DNAH11: variants seen among roughly 807,000 people sequenced by gnomAD.
The protein encoded by DNAH11 is axonemal beta dynein heavy chain 11.
A neutral mutation model predicts 526.0 loss-of-function variants in DNAH11; 442 were observed. The ratio of observed to expected loss-of-function variants is 0.84; its 90% CI spans 0.78 to 0.91. The LOEUF is 0.91. Among genes scored for constraint, DNAH11 ranks in the 40% least tolerant of loss-of-function variants. The probability of loss-of-function intolerance (pLI) is 0.00; values close to 1 mark genes in which losing one functional copy is unlikely to be tolerated. For missense variants in DNAH11, 6,989 were observed against 5,448.7 expected (o/e 1.28, Z -8.90); for synonymous variants, 2,461 against 1,935.9 (o/e 1.27, Z -7.12).
chr7:21,746,197 G>T (rs1456490251), intron 51 of DNAH11, among the ~76,000 whole-genome samples: 1 of 152,152 alleles, frequency 6.6e-6, no homozygotes, highest in African/African-American at 2.4e-5. Flanking sequence ...GTTTACATCC[G>T]ATACTGCTCT....
At chr7:21,800,013 C>T (rs878858959) in intron 61 of DNAH11, among the ~76,000 whole-genome samples, 1 of 152,108 alleles carries the variant, frequency 6.6e-6, no homozygotes, top group Non-Finnish European at 1.5e-5. Context: ...GTTATATGAG[C>T]TCATTCAAAA....
At chr7:21,548,205 C>T (rs35294143) in intron 2 of DNAH11, among the ~76,000 whole-genome samples, 25,859 of 133,038 alleles carry the variant, frequency 0.19, 2,623 homozygotes, top group African/African-American at 0.33. Flanking sequence ...GGAATGACAA[C>T]ACTTCCCACC....
chr7:21,617,806 C>G lies in DNAH11; in HGVS notation c.4254+29C>G, dbSNP rs775269755. Reference sequence around the variant, plus strand: ...AGTATCCTTGGTCTCACTAATGAACCTTTTTATGACTGTGAAGTGTTACTT... The same window carrying G: ...AGTATCCTTGGTCTCACTAATGAACGTTTTTATGACTGTGAAGTGTTACTT... On this transcript the variant is annotated intron_variant, in intron 23 of 81. Transcript: ENST00000409508. The G allele has an allele frequency of 2.0e-6, 3 of 1,534,950 alleles. No homozygotes were observed. In the South Asian group the frequency reaches 3.9e-5, roughly 20 times the overall value.
At chr7:21,862,102 C>A in intron 69 of DNAH11, 79 bp downstream of exon 69, 1 of 1,324,510 alleles carries the variant, frequency 7.5e-7, no homozygotes, top group Non-Finnish European at 1.0e-6. Context: ...TTTATTTCTG[C>A]TGAAGCAAAA....
intron 49 of DNAH11, among the ~76,000 whole-genome samples, chr7:21,742,626 G>A (rs1785957726): frequency 6.6e-6 from 1 of 152,110 alleles, no homozygotes; most frequent in South Asian, 2.1e-4. Context: ...TTTGGAGGGG[G>A]CACACATCCA....
chr7:21,899,025 C>A (rs903257631), intron 79 of DNAH11, among the ~76,000 whole-genome samples: 1 of 152,166 alleles, frequency 6.6e-6, no homozygotes, highest in Non-Finnish European at 1.5e-5. Flanking sequence ...AGGGTGATGA[C>A]CTTTGTATAG....
intron 28 of DNAH11, 40 bp from the exon 29 acceptor site, chr7:21,655,792 G>T: frequency 6.4e-7 from 1 of 1,574,706 alleles, no homozygotes. Flanking sequence ...TATACCTACA[G>T]TAAGAAATGT....
intron 25 of DNAH11, among the ~76,000 whole-genome samples, chr7:21,633,413 T>C (rs1445247379): frequency 6.6e-6 from 1 of 152,232 alleles, no homozygotes; most frequent in East Asian, 1.9e-4. Flanking sequence ...AATATTGTTA[T>C]CCCCTTCTAT....
chr7:21,837,865 A>T (rs536722054), intron 65 of DNAH11, among the ~76,000 whole-genome samples: 1 of 152,314 alleles, frequency 6.6e-6, no homozygotes, highest in Admixed American at 6.5e-5. Flanking sequence ...GAAATGATCA[A>T]TGAGATGATG....
chr7:21,866,741 G>T (rs1450415625), intron 71 of DNAH11, 78 bp downstream of exon 71: 7 of 1,423,366 alleles, frequency 4.9e-6, no homozygotes, highest in African/African-American at 1.4e-5. Flanking sequence ...GGAGGATCTG[G>T]TGGAAGTGTT....
At chr7:21,600,287 G>A (rs963208689) in intron 15 of DNAH11, among the ~76,000 whole-genome samples, 168 bp downstream of exon 15, 3 of 151,860 alleles carry the variant, frequency 2.0e-5, no homozygotes, top group South Asian at 2.1e-4. Flanking sequence ...TAGCAAGACC[G>A]TCTCTTAAAA....
intron 70 of DNAH11, among the ~76,000 whole-genome samples, 178 bp downstream of exon 70, chr7:21,864,835 T>C (rs1783211076): frequency 6.6e-6 from 1 of 152,242 alleles, no homozygotes; most frequent in South Asian, 2.1e-4. Flanking sequence ...GGTTAATTTC[T>C]CATTTAGATG....
intron 11 of DNAH11, among the ~76,000 whole-genome samples, chr7:21,588,907 T>C (rs1010627395): frequency 2.0e-5 from 3 of 152,136 alleles, no homozygotes; most frequent in African/African-American, 4.8e-5. Context: ...CTCGTTATTG[T>C]TTTTCCTTTT....
chr7:21,564,671 C>T (rs1783591075), intron 6 of DNAH11, among the ~76,000 whole-genome samples: 3 of 152,110 alleles, frequency 2.0e-5, no homozygotes, highest in Admixed American at 1.3e-4. Context: ...CAGCTTCCAG[C>T]AAAAGACAGA....
At position 21,884,342 on chromosome 7, in the gene DNAH11, C is replaced by G; in HGVS notation, c.12439C>G (p.His4147Asp). 1 of 1,613,192 alleles carries G rather than the reference C, an allele frequency of 6.2e-7. No individual in the cohort carries two copies. The highest frequency in any genetic ancestry group is 8.5e-7 in the Non-Finnish European group (1 of 1,179,464). The change falls in exon 76 of 82, where the codon CAC becomes GAC. Residue 4147 changes from histidine to aspartate, a missense_variant. Physicochemically the swap from His to Asp is moderately conservative, Grantham distance 81. Coordinates refer to ENST00000409508, the MANE Select transcript of DNAH11 (RefSeq NM_001277115.2). ...CTTTGGTGAGATCATGTATGGAGGC[C>G]ACATCACAGATGACTGGGATCGCAA... ...YLFGEIMYGG[H>D]ITDDWDRKLC...
chr7:21,758,391 A>G (rs766635607), intron 54 of DNAH11, among the ~76,000 whole-genome samples: 1 of 152,216 alleles, frequency 6.6e-6, no homozygotes, highest in Non-Finnish European at 1.5e-5. Context: ...TTTTACCCAG[A>G]AAAGTTTTTT....
In DNAH11 at chr7:21,707,821, A is replaced by G. The variant is rs759931782; in HGVS notation, c.6669A>G (p.Glu2223=). 2 of 1,596,832 alleles carry G rather than the reference A, an allele frequency of 1.3e-6. No homozygotes were observed. The highest frequency in any genetic ancestry group is 2.7e-5 in the African/African-American group (2 of 74,152). Residue 2223 remains glutamate, a synonymous_variant, in exon 40 of 82, where the codon GAA becomes GAG. Transcript: ENST00000409508. ...GTTTCATACATCATGCTACCCGAGAATGGAAAGATGGCAAGTAGTATTTCC... is the reference window on the plus strand; with the variant it reads ...GTTTCATACATCATGCTACCCGAGAGTGGAAAGATGGCAAGTAGTATTTCC... ...LFGFIHHATR[E]WKDGKIVYSY...
Position 21,773,936 on chromosome 7 carries a change from G to T in DNAH11, c.9273G>T (p.Glu3091Asp). The change falls in exon 56 of 82, where the codon GAG (glutamate) becomes GAT (aspartate). Residue 3091 changes from glutamate (E) to aspartate (D), a missense_variant. Transcript: ENST00000409508. ...FKNLLKKKQNEVSEKKERLVN... is the reference protein window; with the variant it reads ...FKNLLKKKQNDVSEKKERLVN... ...ACCTGTTGAAGAAGAAGCAAAATGA[G>T]GTATCCGAGAAAAAAGAACGCCTGG... is the stretch of plus-strand genomic sequence containing the variant. The T allele has an allele frequency of 6.3e-7, 1 of 1,593,070 alleles. No individual in the cohort carries two copies.
Position 21,818,315 on chromosome 7 carries a change from G to T in DNAH11, c.10667G>T (p.Gly3556Val). ...TIDPVLDPLLGRNTIKKGKYI... is the reference protein window; with the variant it reads ...TIDPVLDPLLVRNTIKKGKYI... ...GATCCAGTCCTGGATCCACTACTTG[G>T]CAGGAACACAATTAAAAAAGGAAAG... is the stretch of plus-strand genomic sequence containing the variant. The change falls in exon 65 of 82, where the codon GGC (glycine) becomes GTC (valine). Residue 3556 changes from glycine to valine, a missense_variant. Transcript: ENST00000409508. 6.2e-7 allele frequency: 1 copy of T among 1,606,210 alleles called. No homozygotes were observed. The highest frequency in any genetic ancestry group is 8.5e-7 in the Non-Finnish European group (1 of 1,177,536).
Sources: allele counts gnomAD v4.1 joint callset (sites outside exome capture counted in the v4.1 genomes callset), GRCh38; gene constraint gnomAD v4.1.1; transcripts MANE v1.5; gene names NCBI Gene and HGNC (gene_info 2026-07-23, HGNC 2026-07-21).